The following PPFIBP1 variants were observed in gnomAD, a reference collection of about 807,000 sequenced individuals.
PPFIBP1 encodes the protein liprin-beta-1.
A neutral mutation model predicts 137.8 loss-of-function variants in PPFIBP1; 112 were observed. The ratio of observed to expected loss-of-function variants is 0.81; its 90% CI spans 0.70 to 0.95. PPFIBP1 has a LOEUF of 0.95. Ranked by LOEUF, PPFIBP1 falls within the 40% of genes least tolerant of loss-of-function variation. The probability of loss-of-function intolerance (pLI) is 0.00; values close to 1 mark genes in which losing one functional copy is unlikely to be tolerated. For synonymous variants in PPFIBP1, 378 were observed against 417.3 expected (o/e 0.91, Z 1.15); for missense variants, 1,083 against 1,196.6 (o/e 0.91, Z 1.40).
chr12:27,549,162 C>T (rs1437804222), intron 1 of PPFIBP1: 1 of 149,332 alleles, frequency 6.7e-6, no homozygotes, highest in Non-Finnish European at 1.5e-5. Flanking sequence ...ATTAATGTAG[C>T]ATAGTGATTC....
At chr12:27,665,815 G>A (rs777662288) in intron 12 of PPFIBP1, among the ~76,000 whole-genome samples, 1 of 152,064 alleles carries the variant, frequency 6.6e-6, no homozygotes, top group Non-Finnish European at 1.5e-5. Flanking sequence ...AAAAAATTTT[G>A]TACACAAGGT....
At chr12:27,673,708 A>G (rs1443709841) in intron 15 of PPFIBP1, 59 bp from the exon 16 acceptor site, 1 of 1,415,036 alleles carries the variant, frequency 7.1e-7, no homozygotes, top group Non-Finnish European at 9.9e-7. Context: ...AAGATGTTTT[A>G]CTTAGAAACA....
chr12:27,592,523 G>A (rs1187342723), intron 2 of PPFIBP1: 70 of 1,217,782 alleles, frequency 5.7e-5, no homozygotes, highest in Non-Finnish European at 8.0e-5. Flanking sequence ...TGAAAGAATC[G>A]TTTCCTTGGT....
chr12:27,664,812 A>G (rs970492133), intron 12 of PPFIBP1, among the ~76,000 whole-genome samples: 1 of 152,220 alleles, frequency 6.6e-6, no homozygotes, highest in African/African-American at 2.4e-5. Flanking sequence ...AGATGAGACC[A>G]TAATGATGAG....
In PPFIBP1 at chr12:27,634,940, T is replaced by A; in HGVS notation, c.95T>A (p.Ile32Asn). ...GSKALEYSNG[I>N]FDCQSPTSPF... ...AAGGCTCTGGAATATTCCAATGGGA[T>A]TTTTGATTGCCAATCTCCCACCTCT... is the stretch of plus-strand genomic sequence containing the variant. The change falls in exon 4 of 30, where the codon ATT (isoleucine) becomes AAT (asparagine). Residue 32 changes from isoleucine to asparagine, a missense_variant. Physicochemically the swap from Ile to Asn is moderately radical, Grantham distance 149. Coordinates refer to ENST00000228425, the MANE Select transcript of PPFIBP1 (RefSeq NM_003622.4). The A allele has an allele frequency of 6.2e-7, 1 of 1,614,062 alleles. No homozygotes were observed. Among genetic ancestry groups the A allele is most frequent in the East Asian group, 2.2e-5 (1 of 44,882 alleles).
At chr12:27,573,695 A>G (rs182035776) in intron 1 of PPFIBP1, among the ~76,000 whole-genome samples, 247 of 152,344 alleles carry the variant, frequency 1.6e-3, no homozygotes, top group African/African-American at 5.8e-3. Flanking sequence ...AAAGAAGGTT[A>G]AAAGCCGGCG....
At chr12:27,603,744 G>A (rs2054233880) in intron 2 of PPFIBP1, among the ~76,000 whole-genome samples, 1 of 152,186 alleles carries the variant, frequency 6.6e-6, no homozygotes, top group South Asian at 2.1e-4. Flanking sequence ...ATCTCTAGTT[G>A]GGGTGGAAAT....
At chr12:27,604,618 G>A (rs1275058294) in intron 2 of PPFIBP1, among the ~76,000 whole-genome samples, 5 of 152,154 alleles carry the variant, frequency 3.3e-5, no homozygotes, top group African/African-American at 4.8e-5. Context: ...TTAAGCTATG[G>A]GAGGCTCCCT....
At chr12:27,687,528 T>C in intron 25 of PPFIBP1, 21 bp downstream of exon 25, 1 of 1,611,570 alleles carries the variant, frequency 6.2e-7, no homozygotes, top group Non-Finnish European at 8.5e-7. Context: ...AAGATTGAGG[T>C]TTATAAGCAT....
intron 2 of PPFIBP1, among the ~76,000 whole-genome samples, chr12:27,623,227 G>A (rs568512688): frequency 1.2e-4 from 19 of 152,202 alleles, no homozygotes; most frequent in Non-Finnish European, 1.9e-4. Flanking sequence ...AAACAGACCC[G>A]CTGATACTCC....
intron 13 of PPFIBP1, among the ~76,000 whole-genome samples, chr12:27,668,624 G>A (rs1438850704): frequency 6.6e-6 from 1 of 152,168 alleles, no homozygotes; most frequent in African/African-American, 2.4e-5. Flanking sequence ...CTAATTTAGT[G>A]TAATACTTTA....
intron 2 of PPFIBP1, among the ~76,000 whole-genome samples, chr12:27,595,913 A>G (rs1473321345): frequency 1.2e-5 from 1 of 82,742 alleles, no homozygotes; most frequent in Non-Finnish European, 2.8e-5. Context: ...ATATATATAT[A>G]TATATATATT....
intron 1 of PPFIBP1, among the ~76,000 whole-genome samples, chr12:27,538,829 C>T (rs145704765): frequency 1.3e-5 from 2 of 152,220 alleles, no homozygotes; most frequent in Non-Finnish European, 2.9e-5. Context: ...AGATGGACCT[C>T]ATTTGTCAAA....
Position 27,570,770 on chromosome 12 carries a change from G to A in PPFIBP1, c.-123-7382G>A, listed in dbSNP as rs554835127. On this transcript the variant is annotated intron_variant, in intron 1 of 29. Coordinates refer to ENST00000228425, the MANE Select transcript of PPFIBP1 (RefSeq NM_003622.4). ...CGAAAAATACAAAAAAAAATTAGCCGGTTGTGGTGGCGGGCGCCTGTAGTC... is the reference window on the plus strand; with the variant it reads ...CGAAAAATACAAAAAAAAATTAGCCAGTTGTGGTGGCGGGCGCCTGTAGTC... Among the ~76,000 whole-genome samples, 5 of 152,036 alleles carry A rather than the reference G, an allele frequency of 3.3e-5. No homozygotes were observed. In the South Asian group the frequency reaches 1.0e-3, roughly 32 times the overall value.
intron 1 of PPFIBP1, among the ~76,000 whole-genome samples, chr12:27,543,091 G>C (rs1945841252): frequency 6.6e-6 from 1 of 152,160 alleles, no homozygotes; most frequent in Admixed American, 6.5e-5. Context: ...GGTTAGATTT[G>C]ATGGGTCTTT....
At chr12:27,590,218 C>T (rs1350715522) in intron 2 of PPFIBP1, among the ~76,000 whole-genome samples, 3 of 152,018 alleles carry the variant, frequency 2.0e-5, no homozygotes, top group Non-Finnish European at 2.9e-5. Flanking sequence ...CCCCATTGCC[C>T]GGGCTGGAGT....
At chr12:27,581,188 C>T (rs902901781) in intron 2 of PPFIBP1, among the ~76,000 whole-genome samples, 1 of 152,210 alleles carries the variant, frequency 6.6e-6, no homozygotes, top group African/African-American at 2.4e-5. Context: ...AGCCACTGCT[C>T]CCAGCTGTAC....
Position 27,647,735 on chromosome 12 carries a change from G to A in PPFIBP1, c.364G>A (p.Val122Met), listed in dbSNP as rs140176051. The change falls in exon 6 of 30, where the codon GTG (valine) becomes ATG (methionine). Residue 122 changes from valine (V) to methionine (M), a missense_variant. Val to Met is a conservative substitution (Grantham distance 21). Transcript: ENST00000228425. ...DKESLVLQVSVLTDQVEAQGE... is the reference protein window; with the variant it reads ...DKESLVLQVSMLTDQVEAQGE... Reference sequence around the variant, plus strand: ...TATTTTGCTCTAAATACAGGTAAGTGTGTTAACAGACCAGGTGGAGGCTCA... The same window carrying A: ...TATTTTGCTCTAAATACAGGTAAGTATGTTAACAGACCAGGTGGAGGCTCA... 8.1e-4 allele frequency: 1,297 copies of A among 1,599,822 alleles called. 6 individuals carry two copies. The highest frequency in any genetic ancestry group is 5.7e-4 in the Non-Finnish European group (663 of 1,173,304).
intron 1 of PPFIBP1, among the ~76,000 whole-genome samples, chr12:27,558,899 A>G (rs1423788159): frequency 6.6e-6 from 1 of 151,974 alleles, no homozygotes; most frequent in South Asian, 2.1e-4. Context: ...GTCTTGCTTT[A>G]TTACCCAGGC....
Sources: allele counts gnomAD v4.1 joint callset (sites outside exome capture counted in the v4.1 genomes callset), GRCh38; gene constraint gnomAD v4.1.1; transcripts MANE v1.5; gene names NCBI Gene and HGNC (gene_info 2026-07-23, HGNC 2026-07-21).